The following RYK variants were observed in gnomAD, a reference collection of about 807,000 sequenced individuals.
The protein encoded by RYK is receptor like tyrosine kinase.
Under a neutral mutation model 70.2 loss-of-function variants are expected in RYK, and 21 were observed. The observed-to-expected ratio is 0.30, with a 90% CI of 0.21 to 0.43. The LOEUF (loss-of-function observed/expected upper bound fraction) is 0.43, where lower values mean the gene tolerates loss of function less well. RYK is among the 20% of genes least tolerant of loss of function. The probability of loss-of-function intolerance (pLI) is 1.00; values close to 1 mark genes in which losing one functional copy is unlikely to be tolerated. For missense variants in RYK, 604 were observed against 753.3 expected, an observed-to-expected ratio of 0.80 and a Z score of 2.32; for synonymous variants, 267 against 278.0, an observed-to-expected ratio of 0.96 and a Z score of 0.39.
At chr3:134,242,085 A>C (rs2015339401) in intron 1 of RYK, among the ~76,000 whole-genome samples, 1 of 152,162 alleles carries the variant, frequency 6.6e-6, no homozygotes, top group Non-Finnish European at 1.5e-5. Context: ...TGGGTGGATC[A>C]CCTGAGGTCA....
chr3:134,171,013 AGTT>A (rs1206808969), intron 13 of RYK: 1 of 152,604 alleles, frequency 6.6e-6, no homozygotes, highest in Non-Finnish European at 1.5e-5. Flanking sequence ...GTCCCACTAA[AGTT>A]GTCTGGACAA....
chr3:134,202,712 C>A lies in RYK; in HGVS notation c.788+18G>T, dbSNP rs1172063550. The A allele has an allele frequency of 6.2e-7, 1 of 1,602,592 alleles. No individual in the cohort carries two copies. The highest frequency in any genetic ancestry group is 8.5e-7 in the Non-Finnish European group (1 of 1,176,792). The stretch of plus-strand genomic sequence containing the variant: ...TAACTGCTTTCATTTTTTTTCTTTC[C>A]CAAAATATGTACAATACCTGTCATC... On this transcript the variant is annotated intron_variant, in intron 6 of 14. Transcript: ENST00000623711.
At chr3:134,178,628 C>A (rs1045950592) in intron 10 of RYK, 4 of 6,864 alleles carry the variant, frequency 5.8e-4, no homozygotes, top group African/African-American at 6.4e-4. Context: ...TCAGAGTGAC[C>A]ATCTTCTCTT....
chr3:134,224,170 G>A (rs1413974213), intron 1 of RYK, among the ~76,000 whole-genome samples: 1 of 152,142 alleles, frequency 6.6e-6, no homozygotes, highest in Non-Finnish European at 1.5e-5. Context: ...ACCAAGATGT[G>A]GAGACCGGTA....
At chr3:134,250,393 G>A in intron 1 of RYK, 30 bp downstream of exon 1, 2 of 1,344,678 alleles carry the variant, frequency 1.5e-6, no homozygotes, top group South Asian at 3.4e-5. Flanking sequence ...GGCCCGACCT[G>A]CCCGCCCCGG....
chr3:134,215,080 A>G (rs896717066), intron 2 of RYK, among the ~76,000 whole-genome samples: 1 of 152,196 alleles, frequency 6.6e-6, no homozygotes, highest in Non-Finnish European at 1.5e-5. Context: ...ACAAATTCAA[A>G]GCCACACTTA....
intron 8 of RYK, among the ~76,000 whole-genome samples, chr3:134,189,740 C>CAAAAAAAAA (rs57016937): frequency 1.1e-5 from 1 of 92,666 alleles, no homozygotes; most frequent in Non-Finnish European, 2.1e-5. Flanking sequence ...GAGACTCCGC[C>CAAAAAAAAA]AAAAAAAAAA....
Position 134,158,309 on chromosome 3 carries a change from T to C in RYK, c.1713-45A>G, listed in dbSNP as rs1044697612. ...AAAATTTGGGCTAGTAAGGATACAG[T>C]ATTCATAACTTTTGCTCAGTTTGAT... On this transcript the variant is annotated intron_variant, in intron 14 of 14. Transcript: ENST00000623711. The C allele has an allele frequency of 8.6e-6, 11 of 1,275,380 alleles. No homozygotes were observed. In the African/African-American group the frequency reaches 1.3e-4, roughly 16 times the overall value. 79.0% of individuals were successfully genotyped at this position (1,275,380 alleles called of 1,614,324 possible). A position where few individuals can be genotyped will look rare whatever the true frequency, so the allele number is the denominator to read the frequency against.
chr3:134,167,220 G>C lies in RYK; in HGVS notation c.1576-7847C>G, dbSNP rs374087788. ...TCGTGAAAATGGCCATACTGCCCAA[G>C]GTAATTTACAGATTCAAAAACTACT... is the stretch of plus-strand genomic sequence containing the variant. On this transcript the variant is annotated intron_variant, in intron 13 of 14. Coordinates refer to ENST00000623711, the MANE Select transcript of RYK (RefSeq NM_002958.4). Among the ~76,000 whole-genome samples, 41 of 152,054 alleles carry C rather than the reference G, an allele frequency of 2.7e-4. 2 individuals are homozygous for C. In the South Asian group the frequency reaches 8.5e-3, roughly 32 times the overall value.
chr3:134,227,406 A>G (rs1266800162), intron 1 of RYK, among the ~76,000 whole-genome samples: 2 of 152,100 alleles, frequency 1.3e-5, no homozygotes, highest in African/African-American at 2.4e-5. Context: ...GATTTTTTTG[A>G]AAAAATAAAT....
chr3:134,212,213 C>T (rs778463975), intron 2 of RYK, among the ~76,000 whole-genome samples: 7 of 152,202 alleles, frequency 4.6e-5, no homozygotes, highest in Non-Finnish European at 8.8e-5. Flanking sequence ...GGAAGACAGG[C>T]AACCCATGAG....
In RYK at chr3:134,250,736, C is replaced by G; in HGVS notation, c.-82G>C. ...CCCCCGGCCCCGAGCCGCTCACAGC[C>G]CCGAGCCGGGGGCGGCTGCCCAGCT... On this transcript the variant is annotated 5_prime_UTR_variant, in exon 1 of 15. Transcript: ENST00000623711. The G allele has an allele frequency of 1.4e-6, 1 of 703,320 alleles. No homozygotes were observed. The highest frequency in any genetic ancestry group is 1.9e-5 in the African/African-American group (1 of 51,450). The allele number at this position is 703,320 out of a possible 1,614,324, so 43.6% of individuals were successfully genotyped here.
chr3:134,228,891 A>G (rs1373630325), intron 1 of RYK, among the ~76,000 whole-genome samples: 1 of 152,240 alleles, frequency 6.6e-6, no homozygotes, highest in Non-Finnish European at 1.5e-5. Context: ...TGATAAATGT[A>G]TCACGTGATG....
intron 10 of RYK, 105 bp from the exon 11 acceptor site, chr3:134,178,178 T>A: frequency 1.3e-6 from 1 of 799,322 alleles, no homozygotes; most frequent in Non-Finnish European, 1.9e-6. Flanking sequence ...CCAAAATACT[T>A]AAAAACATGA....
In RYK at chr3:134,158,125, T is replaced by G. The variant is rs1256064502; in HGVS notation, c.*28A>C. 13 of 1,318,786 alleles carry G rather than the reference T, an allele frequency of 9.9e-6. No individual in the cohort carries two copies. The highest frequency in any genetic ancestry group is 1.9e-4 in the Middle Eastern group (1 of 5,248). The allele number at this position is 1,318,786 out of a possible 1,614,324, so 81.7% of individuals were successfully genotyped here. A position where few individuals can be genotyped will look rare whatever the true frequency, so the allele number is the denominator to read the frequency against. On this transcript the variant is annotated 3_prime_UTR_variant, in exon 15 of 15. Transcript: ENST00000623711. The stretch of plus-strand genomic sequence containing the variant: ...CAAGTGAGCCCCGACAGGCACCTTC[T>G]TCCTGATGGTGTGGGATTGGAGAGG...
intron 8 of RYK, among the ~76,000 whole-genome samples, chr3:134,189,452 G>A (rs2013574250): frequency 6.6e-6 from 1 of 152,062 alleles, no homozygotes; most frequent in African/African-American, 2.4e-5. Flanking sequence ...CTGGTAAAAT[G>A]TGTTCCTAAA....
chr3:134,199,274 A>G (rs1036452685), intron 6 of RYK, among the ~76,000 whole-genome samples: 1 of 152,264 alleles, frequency 6.6e-6, no homozygotes, highest in Non-Finnish European at 1.5e-5. Flanking sequence ...CTGGAATGGA[A>G]GAACACTACC....
chr3:134,233,731 A>C (rs1452089247), intron 1 of RYK, among the ~76,000 whole-genome samples: 2 of 152,186 alleles, frequency 1.3e-5, no homozygotes, highest in African/African-American at 4.8e-5. Context: ...TTCTTTGAAG[A>C]CAGGTTTTAA....
intron 1 of RYK, among the ~76,000 whole-genome samples, chr3:134,249,631 C>G (rs1336259046): frequency 6.6e-6 from 1 of 152,100 alleles, no homozygotes; most frequent in Non-Finnish European, 1.5e-5. Context: ...AACAACAAAG[C>G]TAAGCAAGTA....
Sources: gnomAD v4.1 joint callset for allele counts (sites outside exome capture counted in the v4.1 genomes callset) on GRCh38, gnomAD v4.1.1 for gene constraint, MANE v1.5 for transcripts, NCBI Gene and HGNC (gene_info 2026-07-23, HGNC 2026-07-21) for gene names.